ASTN2: variants seen among roughly 807,000 people sequenced by gnomAD.
The protein encoded by ASTN2 is astrotactin-2.
A neutral mutation model predicts 139.8 loss-of-function variants in ASTN2; 54 were observed. The ratio of observed to expected loss-of-function variants is 0.39; its 90% confidence interval spans 0.31 to 0.48. The LOEUF (loss-of-function observed/expected upper bound fraction) is 0.48. Ranked by LOEUF, ASTN2 falls within the 20% of genes least tolerant of loss-of-function variation. ASTN2 has a pLI of 0.95. For missense variants in ASTN2, 1,565 were observed against 1,725.1 expected, an observed-to-expected ratio of 0.91 and a Z score of 1.64; for synonymous variants, 756 against 719.5, an observed-to-expected ratio of 1.05 and a Z score of -0.81.
In ASTN2 at chr9:116,502,722, GGAAGGAAGGAATGAATGAAT is replaced by G. The variant is rs1382265125; in HGVS notation, c.3356-15242_3356-15223del. ...AGGAAGGAAGGAAGGAAGGAAGGAA[GGAAGGAAGGAATGAATGAAT>G]GAATGAGGGAAGGAAGGAGAGAAGG... On this transcript the variant is annotated intron_variant, in intron 19 of 22. Coordinates refer to ENST00000313400, the MANE Select transcript of ASTN2 (RefSeq NM_001365068.1). Among the ~76,000 whole-genome samples the G allele has an allele frequency of 4.5e-3, 306 of 68,172 alleles. 13 individuals are homozygous for G. Among genetic ancestry groups the G allele is most frequent in the African/African-American group, 0.011 (135 of 12,722 alleles). 44.7% of individuals were successfully genotyped at this position (68,172 alleles called of 152,430 possible).
intron 16 of ASTN2, among the ~76,000 whole-genome samples, chr9:116,654,303 T>C (rs1025434628): frequency 2.0e-5 from 3 of 152,206 alleles, no homozygotes; most frequent in African/African-American, 4.8e-5. Flanking sequence ...ACAAAGACTC[T>C]ATAATCACAA....
chr9:116,518,045 C>T (rs1450158114), intron 19 of ASTN2, among the ~76,000 whole-genome samples: 3 of 152,102 alleles, frequency 2.0e-5, no homozygotes, highest in Non-Finnish European at 4.4e-5. Context: ...TTGGTGCTCC[C>T]AAGGAAGACA....
At chr9:116,810,288 G>A (rs929984577) in intron 12 of ASTN2, among the ~76,000 whole-genome samples, 2 of 152,160 alleles carry the variant, frequency 1.3e-5, no homozygotes, top group Non-Finnish European at 2.9e-5. Flanking sequence ...GTCTTTTGGA[G>A]GTTATTCATG....
At chr9:117,317,930 G>T (rs1252654467) in intron 1 of ASTN2, among the ~76,000 whole-genome samples, 1 of 152,216 alleles carries the variant, frequency 6.6e-6, no homozygotes, top group African/African-American at 2.4e-5. Flanking sequence ...AGATGCCTAA[G>T]GTGGTCACAC....
rs115212704 is a variant in ASTN2, at chr9:117,203,415, G to A, written c.1015+10943C>T. Among the ~76,000 whole-genome samples, 304 of 152,066 alleles carry A rather than the reference G, an allele frequency of 2.0e-3. 3 individuals carry two copies. The highest frequency in any genetic ancestry group is 7.1e-3 in the African/African-American group (293 of 41,484). ...GGTGATCATGTTGAGGAGAAGAGGC[G>A]CTCTGCTCTTTTGGGTTTTTAGCAT... On this transcript the variant is annotated intron_variant, in intron 3 of 22. Coordinates refer to ENST00000313400, the MANE Select transcript of ASTN2 (RefSeq NM_001365068.1).
chr9:117,059,984 T>C (rs1839191910), intron 5 of ASTN2, among the ~76,000 whole-genome samples: 1 of 152,076 alleles, frequency 6.6e-6, no homozygotes, highest in Admixed American at 6.6e-5. Context: ...TTAGGGATGT[T>C]GCATGGCAGT....
chr9:116,879,950 T>C (rs920632004), intron 10 of ASTN2, among the ~76,000 whole-genome samples: 3 of 152,168 alleles, frequency 2.0e-5, no homozygotes, highest in Admixed American at 6.5e-5. Context: ...GAAAAGGCAT[T>C]CTAAAATAAA....
At chr9:117,371,674 A>C (rs943934180) in intron 1 of ASTN2, among the ~76,000 whole-genome samples, 1 of 152,150 alleles carries the variant, frequency 6.6e-6, no homozygotes, top group Non-Finnish European at 1.5e-5. Context: ...CGTGAGGATT[A>C]ATAATACCTG....
intron 20 of ASTN2, among the ~76,000 whole-genome samples, chr9:116,464,550 T>A (rs1000261494): frequency 6.6e-6 from 1 of 152,182 alleles, no homozygotes; most frequent in South Asian, 2.1e-4. Context: ...AGAGCAGTTA[T>A]GTGGTCCATT....
chr9:117,276,704 G>A (rs955788786), intron 2 of ASTN2, among the ~76,000 whole-genome samples: 2 of 152,200 alleles, frequency 1.3e-5, no homozygotes, highest in Admixed American at 1.3e-4. Flanking sequence ...GGCACAGAGA[G>A]ACAAGGGCGG....
At position 117,044,777 on chromosome 9, in the gene ASTN2, G is replaced by T. The variant is rs114491240; in HGVS notation, c.1277-4812C>A. ...TTTATTGAACATCAAGTCTTTTGAG[G>T]CACACTGGTCTGGGCATGGGGAAAA... On this transcript the variant is annotated intron_variant, in intron 5 of 22. Transcript: ENST00000313400. 3.6e-3 allele frequency among the ~76,000 whole-genome samples: 544 copies of T among 152,250 alleles called. 6 individuals are homozygous for T. Among genetic ancestry groups the T allele is most frequent in the African/African-American group, 0.013 (521 of 41,538 alleles).
chr9:117,135,563 A>G (rs1449185951), intron 4 of ASTN2, among the ~76,000 whole-genome samples: 2 of 152,182 alleles, frequency 1.3e-5, no homozygotes, highest in Non-Finnish European at 2.9e-5. Context: ...CATTCATTCT[A>G]CAGACAGACA....
At chr9:117,282,679 A>G (rs746969588) in intron 2 of ASTN2, among the ~76,000 whole-genome samples, 3 of 136,198 alleles carry the variant, frequency 2.2e-5, no homozygotes, top group Non-Finnish European at 4.4e-5. Flanking sequence ...GAGGCATCCT[A>G]TATTTTTGCC....
chr9:116,814,502 C>T (rs1211259155), intron 12 of ASTN2, among the ~76,000 whole-genome samples: 1 of 151,706 alleles, frequency 6.6e-6, no homozygotes, highest in Non-Finnish European at 1.5e-5. Flanking sequence ...TCTAAGACCC[C>T]TAATAATGGT....
chr9:116,751,160 T>C (rs1057483427), intron 13 of ASTN2, among the ~76,000 whole-genome samples: 2 of 152,166 alleles, frequency 1.3e-5, no homozygotes, highest in Non-Finnish European at 2.9e-5. Context: ...ACTTCACTCA[T>C]AAAATGAGGA....
At chr9:117,237,734 C>G (rs751968791) in intron 2 of ASTN2, among the ~76,000 whole-genome samples, 13 of 152,314 alleles carry the variant, frequency 8.5e-5, no homozygotes, top group Non-Finnish European at 1.5e-4. Flanking sequence ...TCACCTTGGC[C>G]TCTCAAAGTG....
chr9:117,199,329 C>G (rs1268346458), intron 3 of ASTN2, among the ~76,000 whole-genome samples: 12 of 152,170 alleles, frequency 7.9e-5, no homozygotes, highest in Non-Finnish European at 8.8e-5. Context: ...GGAAGGGGTC[C>G]AGTTTCACTT....
intron 13 of ASTN2, among the ~76,000 whole-genome samples, chr9:116,796,109 G>A (rs1276796913): frequency 1.3e-5 from 2 of 152,180 alleles, no homozygotes; most frequent in Non-Finnish European, 2.9e-5. Flanking sequence ...TGTCTGCCAA[G>A]GACAGATATG....
chr9:116,779,624 T>C (rs1830167575), intron 13 of ASTN2, among the ~76,000 whole-genome samples: 1 of 152,158 alleles, frequency 6.6e-6, no homozygotes, highest in African/African-American at 2.4e-5. Context: ...ATTCTAAACA[T>C]TGACTTATTT....
Sources: allele counts gnomAD v4.1 joint callset (sites outside exome capture counted in the v4.1 genomes callset), GRCh38; gene constraint gnomAD v4.1.1; transcripts MANE v1.5; gene names NCBI Gene and HGNC (gene_info 2026-07-23, HGNC 2026-07-21).